The following FBXL7 variants were observed in gnomAD, a reference collection of about 807,000 sequenced individuals.
FBXL7 encodes F-box/LRR-repeat protein 7.
Under a neutral mutation model 38.3 loss-of-function variants are expected in FBXL7, and 12 were observed. That is an observed-to-expected ratio of 0.31 (90% CI 0.20 to 0.51). FBXL7 has a LOEUF of 0.51. Ranked by LOEUF, FBXL7 falls within the 20% of genes least tolerant of loss-of-function variation. The probability of loss-of-function intolerance (pLI) is 0.98; values close to 1 mark genes in which losing one functional copy is unlikely to be tolerated. For synonymous variants in FBXL7, 297 were observed against 300.9 expected (o/e 0.99, Z 0.13); for missense variants, 567 against 676.4 (o/e 0.84, Z 1.79).
chr5:15,885,445 G>C (rs1436750877), intron 2 of FBXL7, among the ~76,000 whole-genome samples: 2 of 152,118 alleles, frequency 1.3e-5, no homozygotes, highest in Non-Finnish European at 2.9e-5. Context: ...ACACTCCAGG[G>C]GATGTGATTA....
intron 1 of FBXL7, among the ~76,000 whole-genome samples, chr5:15,514,919 A>G (rs911364982): frequency 2.6e-5 from 4 of 152,198 alleles, no homozygotes; most frequent in Admixed American, 2.0e-4. Context: ...AGAGCGCCCC[A>G]TGGAGTTTGC....
At chr5:15,629,792 A>G (rs1740940280) in intron 2 of FBXL7, among the ~76,000 whole-genome samples, 1 of 152,288 alleles carries the variant, frequency 6.6e-6, no homozygotes. Flanking sequence ...GGATGAATGT[A>G]TTTTTATTCA....
At chr5:15,823,276 C>T (rs575998475) in intron 2 of FBXL7, among the ~76,000 whole-genome samples, 1 of 152,280 alleles carries the variant, frequency 6.6e-6, no homozygotes, top group African/African-American at 2.4e-5. Flanking sequence ...CAGGGAATAT[C>T]TATTAGCAAA....
chr5:15,546,581 A>G (rs1737901590), intron 1 of FBXL7, among the ~76,000 whole-genome samples: 2 of 151,360 alleles, frequency 1.3e-5, no homozygotes, highest in East Asian at 4.0e-4. Context: ...AAAAACAAAA[A>G]TTAGCTGGGT....
intron 1 of FBXL7, among the ~76,000 whole-genome samples, chr5:15,595,169 G>A (rs756279266): frequency 2.1e-4 from 32 of 152,144 alleles, no homozygotes; most frequent in Non-Finnish European, 4.3e-4. Flanking sequence ...AAACAAATTG[G>A]TATAATCCCA....
At chr5:15,774,659 A>C (rs1027609587) in intron 2 of FBXL7, among the ~76,000 whole-genome samples, 3 of 152,240 alleles carry the variant, frequency 2.0e-5, no homozygotes, top group Non-Finnish European at 4.4e-5. Context: ...AACCATATTA[A>C]CCTGATTGAA....
At chr5:15,548,222 T>C (rs1737971575) in intron 1 of FBXL7, among the ~76,000 whole-genome samples, 2 of 152,130 alleles carry the variant, frequency 1.3e-5, no homozygotes, top group Non-Finnish European at 2.9e-5. Flanking sequence ...TAATAGACCA[T>C]AGCTTTGAAG....
At chr5:15,595,259 G>T (rs190339578) in intron 1 of FBXL7, among the ~76,000 whole-genome samples, 21 of 152,316 alleles carry the variant, frequency 1.4e-4, no homozygotes, top group African/African-American at 4.6e-4. Context: ...TCCAAGTGGG[G>T]AAGGGATCTC....
rs531320274 is a variant in FBXL7, at chr5:15,559,742, C to A, written c.38-56241C>A. 3.9e-5 allele frequency among the ~76,000 whole-genome samples: 6 copies of A among 152,318 alleles called. No individual in the cohort carries two copies. In the South Asian group the frequency reaches 1.2e-3, roughly 32 times the overall value. On this transcript the variant is annotated intron_variant, in intron 1 of 3. Coordinates refer to ENST00000504595, the MANE Select transcript of FBXL7 (RefSeq NM_012304.5). ...GTGGAGTTAGGGCAAAGATTTGTAG[C>A]ATGTGTGTAATTGCTTTGGCAATAA...
At chr5:15,642,441 T>C (rs1741398674) in intron 2 of FBXL7, among the ~76,000 whole-genome samples, 1 of 152,204 alleles carries the variant, frequency 6.6e-6, no homozygotes, top group Non-Finnish European at 1.5e-5. Context: ...CGTTATGCCT[T>C]ACACTCAATT....
chr5:15,923,322 T>G (rs1327307177), intron 2 of FBXL7, among the ~76,000 whole-genome samples: 1 of 152,196 alleles, frequency 6.6e-6, no homozygotes, highest in Non-Finnish European at 1.5e-5. Flanking sequence ...AATATACTAC[T>G]TAGGAGATAG....
At chr5:15,633,386 T>A (rs1467032432) in intron 2 of FBXL7, among the ~76,000 whole-genome samples, 2 of 152,222 alleles carry the variant, frequency 1.3e-5, no homozygotes, top group African/African-American at 4.8e-5. Flanking sequence ...TAATCAATGT[T>A]TCTATTTCCC....
At chr5:15,560,659 G>A (rs997910206) in intron 1 of FBXL7, among the ~76,000 whole-genome samples, 2 of 152,226 alleles carry the variant, frequency 1.3e-5, no homozygotes, top group South Asian at 4.1e-4. Flanking sequence ...CTGTATGCCC[G>A]TGACCCAGCT....
intron 1 of FBXL7, among the ~76,000 whole-genome samples, chr5:15,523,743 G>A (rs1348173064): frequency 6.6e-6 from 1 of 152,094 alleles, no homozygotes; most frequent in Non-Finnish European, 1.5e-5. Context: ...AGTGCTGGTG[G>A]CTTGCTTATA....
At chr5:15,633,107 T>G (rs1741055088) in intron 2 of FBXL7, among the ~76,000 whole-genome samples, 1 of 152,184 alleles carries the variant, frequency 6.6e-6, no homozygotes, top group African/African-American at 2.4e-5. Context: ...GTGATCCCAA[T>G]TGTGCATAGG....
intron 2 of FBXL7, among the ~76,000 whole-genome samples, chr5:15,674,799 TC>T (rs1200874569): frequency 1.3e-5 from 2 of 152,246 alleles, no homozygotes; most frequent in African/African-American, 4.8e-5. Flanking sequence ...TTTTAGTGTT[TC>T]CCTGTGTTAT....
At position 15,652,123 on chromosome 5, in the gene FBXL7, G is replaced by C. The variant is rs1741728342; in HGVS notation, c.127+36051G>C. Among the ~76,000 whole-genome samples, 3 of 152,170 alleles carry C rather than the reference G, an allele frequency of 2.0e-5. No homozygotes were observed. In the South Asian group the frequency reaches 6.2e-4, roughly 32 times the overall value. The stretch of plus-strand genomic sequence containing the variant: ...TAAAGAGAGTTAGGGCCTTGCTCTG[G>C]ATTAGGCTTTAGCTTAAGGGAATGT... On this transcript the variant is annotated intron_variant, in intron 2 of 3. Coordinates refer to ENST00000504595, the MANE Select transcript of FBXL7 (RefSeq NM_012304.5).
intron 2 of FBXL7, among the ~76,000 whole-genome samples, chr5:15,864,551 G>A (rs892242835): frequency 1.3e-5 from 2 of 152,064 alleles, no homozygotes; most frequent in Admixed American, 6.6e-5. Flanking sequence ...CTAGAGTTAC[G>A]GATGGGTATT....
At chr5:15,766,075 A>ACCTAC (rs879918686) in intron 2 of FBXL7, among the ~76,000 whole-genome samples, 3 of 67,338 alleles carry the variant, frequency 4.5e-5, no homozygotes, top group Non-Finnish European at 1.1e-4. Context: ...TACCTACCTA[A>ACCTAC]CAGCATCATA....
Sources: allele counts gnomAD v4.1 joint callset (sites outside exome capture counted in the v4.1 genomes callset), GRCh38; gene constraint gnomAD v4.1.1; transcripts MANE v1.5; gene names NCBI Gene and HGNC (gene_info 2026-07-23, HGNC 2026-07-21).